The following KLRD1 variants were observed in gnomAD, a reference collection of about 807,000 sequenced individuals.
The protein encoded by KLRD1 is natural killer cells antigen CD94.
In KLRD1, 21 loss-of-function variants were observed where a neutral mutation model predicts 22.6. The observed-to-expected ratio is 0.93, with a 90% CI of 0.66 to 1.34. The LOEUF is 1.34. KLRD1 is among the 40% of genes most tolerant of loss of function. The probability of loss-of-function intolerance (pLI) is 0.00; values close to 1 mark genes in which losing one functional copy is unlikely to be tolerated. For missense variants in KLRD1, 183 were observed against 208.6 expected, an observed-to-expected ratio of 0.88 and a Z score of 0.76; for synonymous variants, 59 against 71.1, an observed-to-expected ratio of 0.83 and a Z score of 0.85.
chr12:10,301,156 A>G (rs192320872), upstream of KLRD1, among the ~76,000 whole-genome samples: 2 of 152,350 alleles, frequency 1.3e-5, no homozygotes, highest in African/African-American at 4.8e-5. Flanking sequence ...AATGGCAGCA[A>G]TGATTAAGCC....
At chr12:10,276,303 T>A (rs1949591504) in intron 1 of KLRD1, among the ~76,000 whole-genome samples, 1 of 152,110 alleles carries the variant, frequency 6.6e-6, no homozygotes. Flanking sequence ...TTTCTGTTCT[T>A]GTGCTTTGTT....
intron 1 of KLRD1, among the ~76,000 whole-genome samples, chr12:10,258,642 A>G (rs1949421452): frequency 6.6e-6 from 1 of 152,210 alleles, no homozygotes; most frequent in South Asian, 2.1e-4. Context: ...AACCACCACT[A>G]AGTCTACCTG....
intron 1 of KLRD1, among the ~76,000 whole-genome samples, chr12:10,255,088 A>G (rs1949382487): frequency 1.5e-5 from 2 of 132,350 alleles, no homozygotes; most frequent in African/African-American, 5.7e-5. Context: ...AAAAGTCAAA[A>G]AATAATAGAT....
intron 1 of KLRD1, among the ~76,000 whole-genome samples, chr12:10,282,158 C>T (rs1243193452): frequency 6.6e-6 from 1 of 152,000 alleles, no homozygotes; most frequent in East Asian, 1.9e-4. Context: ...ATTTCTCTAA[C>T]ATTGCCTATA....
chr12:10,240,057 ACTTT>A (rs1185434402), intron 1 of KLRD1, among the ~76,000 whole-genome samples: 7 of 148,676 alleles, frequency 4.7e-5, no homozygotes, highest in Non-Finnish European at 7.4e-5. Flanking sequence ...AATCATTTCT[ACTTT>A]CTTTCTTTTT....
At chr12:10,286,661 G>GTTTTTTTTTTTTTTTTTTTTT (rs1565459881) in intron 1 of KLRD1, among the ~76,000 whole-genome samples, 2 of 49,338 alleles carry the variant, frequency 4.1e-5, no homozygotes, top group African/African-American at 7.0e-5. Context: ...CGCTTATGGT[G>GTTTTTTTTTTTTTTTTTTTTT]CTTTTTTTTT....
At chr12:10,289,821 C>T (rs1365459568) in intron 1 of KLRD1, among the ~76,000 whole-genome samples, 1 of 152,112 alleles carries the variant, frequency 6.6e-6, no homozygotes, top group Non-Finnish European at 1.5e-5. Context: ...TCTTGTTGCC[C>T]AGGCTGGAGT....
intron 1 of KLRD1, among the ~76,000 whole-genome samples, chr12:10,298,633 A>C (rs1949841810): frequency 6.6e-6 from 1 of 152,230 alleles, no homozygotes; most frequent in Admixed American, 6.5e-5. Flanking sequence ...TACCTGGCCC[A>C]CCCAGGGCGG....
Position 10,323,464 on chromosome 12 carries a change from A to G in KLRD1, c.*8671A>G, listed in dbSNP as rs2537770. The G allele has an allele frequency of 0.89, 135,599 of 151,736 alleles. 62,622 individuals are homozygous for G. The highest frequency in any genetic ancestry group is 1 in the East Asian group (5,156 of 5,156). The allele number at this position is 151,736 out of a possible 1,614,324, so 9.4% of individuals were successfully genotyped here. ...TTTTTTCATTTTTATATCCCCTTCT[A>G]TGTAGTGCTTGTTTAAGCTTTTAGC... On this transcript the variant is annotated 3_prime_UTR_variant, in exon 6 of 6. Transcript: ENST00000336164.
At chr12:10,248,281 C>CA (rs946983633) in intron 1 of KLRD1, among the ~76,000 whole-genome samples, 62 of 151,842 alleles carry the variant, frequency 4.1e-4, no homozygotes, top group African/African-American at 1.4e-3. Flanking sequence ...AAATCACCAT[C>CA]AAAAAACTCT....
At chr12:10,283,663 C>T (rs902094708) in intron 1 of KLRD1, among the ~76,000 whole-genome samples, 2 of 152,048 alleles carry the variant, frequency 1.3e-5, no homozygotes, top group African/African-American at 4.8e-5. Flanking sequence ...TTCCAAATCT[C>T]AACCCAGTGG....
At position 10,294,951 on chromosome 12, in the gene KLRD1, C is replaced by T. The variant is rs141811135; in HGVS notation, c.-100-13027C>T. On this transcript the variant is annotated intron_variant, in intron 1 of 5. Coordinates refer to the KLRD1 transcript ENST00000544747. ...TGTACAGGGTTAGAGGTCAAGACAG[C>T]GCTAACATCTATAAAGAGAAAGAGG... is the stretch of plus-strand genomic sequence containing the variant. Among the ~76,000 whole-genome samples, 14 of 152,178 alleles carry T rather than the reference C, an allele frequency of 9.2e-5. No individual in the cohort carries two copies. The South Asian group carries it at 2.5e-3, about 27-fold the overall frequency.
chr12:10,273,908 C>G (rs985341097), intron 1 of KLRD1, among the ~76,000 whole-genome samples: 1 of 152,078 alleles, frequency 6.6e-6, no homozygotes, highest in African/African-American at 2.4e-5. Context: ...TATAAAAAAT[C>G]AGACATATCA....
In KLRD1 at chr12:10,327,397, T is replaced by C; in HGVS notation, c.*12604T>C. ...TCAGGGCTTTTTGTGGTTCCATGTA[T>C]ATTTTAGTATCATTGTTTTCCTAAT... On this transcript the variant is annotated 3_prime_UTR_variant, in exon 6 of 6. Transcript: ENST00000336164. The C allele has an allele frequency of 6.6e-6, 1 of 152,220 alleles. No homozygotes were observed. Among genetic ancestry groups the C allele is most frequent in the East Asian group, 1.9e-4 (1 of 5,202 alleles). The allele number at this position is 152,220 out of a possible 1,614,324, so 9.4% of individuals were successfully genotyped here.
chr12:10,286,249 G>A (rs991891369), intron 1 of KLRD1, among the ~76,000 whole-genome samples: 3 of 152,126 alleles, frequency 2.0e-5, no homozygotes, highest in Non-Finnish European at 2.9e-5. Flanking sequence ...ATCAGAGTCC[G>A]GAGATTTCCG....
intron 1 of KLRD1, among the ~76,000 whole-genome samples, chr12:10,252,216 C>A (rs1306413338): frequency 6.6e-6 from 1 of 152,106 alleles, no homozygotes; most frequent in East Asian, 1.9e-4. Context: ...GTAGGTGAAT[C>A]CCTTGAACTC....
chr12:10,308,816 G>C (rs1475994222), intron 1 of KLRD1: 1 of 153,392 alleles, frequency 6.5e-6, no homozygotes, highest in Non-Finnish European at 1.5e-5. Context: ...ACTGAGATGA[G>C]GAGAGGGCAT....
At chr12:10,244,242 G>T (rs1949270009) in intron 1 of KLRD1, among the ~76,000 whole-genome samples, 1 of 151,976 alleles carries the variant, frequency 6.6e-6, no homozygotes, top group African/African-American at 2.4e-5. Flanking sequence ...TAAAAGAAAA[G>T]AGAGAGAGAG....
At chr12:10,303,996 G>T (rs764987767), upstream of KLRD1, among the ~76,000 whole-genome samples, 61 of 152,156 alleles carry the variant, frequency 4.0e-4, no homozygotes, top group Non-Finnish European at 6.5e-4. Context: ...ACATGTAATT[G>T]TATGTATATT....
Sources: allele counts gnomAD v4.1 joint callset (sites outside exome capture counted in the v4.1 genomes callset), GRCh38; gene constraint gnomAD v4.1.1; transcripts MANE v1.5; gene names NCBI Gene and HGNC (gene_info 2026-07-23, HGNC 2026-07-21).